The following CHSY3 variants were observed in gnomAD, a reference collection of about 807,000 sequenced individuals.
The protein encoded by CHSY3 is chondroitin sulfate synthase 3.
A neutral mutation model predicts 67.2 loss-of-function variants in CHSY3; 35 were observed. The observed-to-expected ratio is 0.52, with a 90% CI of 0.40 to 0.69. CHSY3 has a LOEUF of 0.69. Among genes scored for constraint, CHSY3 ranks in the 30% least tolerant of loss-of-function variants. The pLI is 0.00. For missense variants in CHSY3, 1,069 were observed against 1,138.5 expected (o/e 0.94, Z 0.88); for synonymous variants, 474 against 434.7 (o/e 1.09, Z -1.12).
chr5:130,160,675 G>A (rs1216922399), intron 2 of CHSY3, among the ~76,000 whole-genome samples: 1 of 152,096 alleles, frequency 6.6e-6, no homozygotes, highest in Non-Finnish European at 1.5e-5. Flanking sequence ...TTAGCCAGAA[G>A]GGACCTATGC....
chr5:130,030,387 A>C (rs983368196), intron 2 of CHSY3, among the ~76,000 whole-genome samples: 1 of 152,122 alleles, frequency 6.6e-6, no homozygotes, highest in African/African-American at 2.4e-5. Context: ...AATTTAAAAA[A>C]CTGTATATGC....
chr5:130,093,621 T>C (rs2149694323), intron 2 of CHSY3, among the ~76,000 whole-genome samples: 1 of 152,266 alleles, frequency 6.6e-6, no homozygotes, highest in African/African-American at 2.4e-5. Context: ...TTATTTTGCA[T>C]TGAAAGAAAC....
intron 2 of CHSY3, among the ~76,000 whole-genome samples, chr5:129,991,487 G>A (rs1763365359): frequency 6.6e-6 from 1 of 152,220 alleles, no homozygotes; most frequent in Non-Finnish European, 1.5e-5. Context: ...TTATAAAGCA[G>A]TGATAGTGCT....
At chr5:130,050,006 CT>C (rs1765285257) in intron 2 of CHSY3, among the ~76,000 whole-genome samples, 1 of 152,036 alleles carries the variant, frequency 6.6e-6, no homozygotes, top group Non-Finnish European at 1.5e-5. Flanking sequence ...TTTTTCAACA[CT>C]TTAAAGACAC....
intron 2 of CHSY3, among the ~76,000 whole-genome samples, chr5:129,914,263 A>G: frequency 6.6e-6 from 1 of 152,116 alleles, no homozygotes. Flanking sequence ...GACATGCACC[A>G]CCACACCCAG....
intron 2 of CHSY3, among the ~76,000 whole-genome samples, chr5:130,016,223 T>G (rs968377235): frequency 9.2e-5 from 14 of 152,068 alleles, no homozygotes; most frequent in Non-Finnish European, 1.8e-4. Context: ...GTATAAAATT[T>G]GGAAGAAACA....
At chr5:130,119,996 C>G (rs1227246719) in intron 2 of CHSY3, among the ~76,000 whole-genome samples, 1 of 152,118 alleles carries the variant, frequency 6.6e-6, no homozygotes, top group Non-Finnish European at 1.5e-5. Flanking sequence ...CTTTTTAATT[C>G]CACATTCACT....
chr5:129,913,342 G>T (rs1275244591), intron 2 of CHSY3, among the ~76,000 whole-genome samples: 1 of 152,152 alleles, frequency 6.6e-6, no homozygotes, highest in Non-Finnish European at 1.5e-5. Flanking sequence ...TGTAGAAAAT[G>T]AAGTGATTTT....
intron 2 of CHSY3, among the ~76,000 whole-genome samples, chr5:130,031,340 T>C (rs909419698): frequency 1.3e-5 from 2 of 152,106 alleles, no homozygotes; most frequent in African/African-American, 4.8e-5. Context: ...TCTCATACTT[T>C]AATGGATTTT....
At chr5:130,098,305 A>T (rs912983945) in intron 2 of CHSY3, among the ~76,000 whole-genome samples, 2 of 152,180 alleles carry the variant, frequency 1.3e-5, no homozygotes, top group Non-Finnish European at 2.9e-5. Context: ...TCTGCTTATC[A>T]GAGAGGAACA....
intron 2 of CHSY3, among the ~76,000 whole-genome samples, chr5:129,927,865 T>C (rs558427040): frequency 1.3e-5 from 2 of 152,116 alleles, no homozygotes; most frequent in South Asian, 4.1e-4. Context: ...CATATTAGTG[T>C]TAAATTCCAG....
At position 129,923,416 on chromosome 5, in the gene CHSY3, A is replaced by G. The variant is rs568979900; in HGVS notation, c.1086+15056A>G. On this transcript the variant is annotated intron_variant, in intron 2 of 2. Coordinates refer to ENST00000305031, the MANE Select transcript of CHSY3 (RefSeq NM_175856.5). ...GTTTCATTCATTATTCATTTACTCA[A>G]CAAATACTTATCGAGCATCTAATAT... Among the ~76,000 whole-genome samples the G allele has an allele frequency of 1.7e-4, 26 of 152,312 alleles. 1 individual carries two copies. The highest frequency in any genetic ancestry group is 1.0e-3 in the Admixed American group (16 of 15,292).
intron 2 of CHSY3, among the ~76,000 whole-genome samples, chr5:129,938,572 C>G (rs1405161822): frequency 2.0e-5 from 3 of 152,184 alleles, no homozygotes; most frequent in African/African-American, 2.4e-5. Context: ...ACATCGTGAA[C>G]ACTCTGCTGT....
chr5:130,032,587 C>G (rs552258875), intron 2 of CHSY3, among the ~76,000 whole-genome samples: 1 of 152,168 alleles, frequency 6.6e-6, no homozygotes, highest in East Asian at 1.9e-4. Flanking sequence ...TATGCCTCCC[C>G]CATCTCACCT....
At chr5:129,915,531 A>C (rs1331486975) in intron 2 of CHSY3, among the ~76,000 whole-genome samples, 1 of 152,194 alleles carries the variant, frequency 6.6e-6, no homozygotes, top group Non-Finnish European at 1.5e-5. Context: ...TGCATTTATT[A>C]ATTTTTTGAG....
chr5:130,042,408 T>C (rs1212958677), intron 2 of CHSY3, among the ~76,000 whole-genome samples: 2 of 152,170 alleles, frequency 1.3e-5, no homozygotes, highest in Admixed American at 6.6e-5. Flanking sequence ...ATTCATACAT[T>C]CTAATTTTGA....
intron 2 of CHSY3, among the ~76,000 whole-genome samples, chr5:130,022,979 A>G (rs1172532374): frequency 6.6e-6 from 1 of 152,050 alleles, no homozygotes; most frequent in Admixed American, 6.6e-5. Flanking sequence ...GTAAAGTTAA[A>G]TAATGATGGA....
chr5:130,028,740 T>C (rs983422551), intron 2 of CHSY3, among the ~76,000 whole-genome samples: 3 of 152,102 alleles, frequency 2.0e-5, no homozygotes, highest in Admixed American at 1.3e-4. Context: ...ATTCTCTCTC[T>C]TATTACTTTT....
chr5:130,100,351 T>A (rs908797299), intron 2 of CHSY3, among the ~76,000 whole-genome samples: 32 of 27,898 alleles, frequency 1.1e-3, no homozygotes, highest in Non-Finnish European at 1.3e-3. Context: ...TGCTTGGCTA[T>A]TTTTTTTTTT....
Sources: gnomAD v4.1 joint callset for allele counts (sites outside exome capture counted in the v4.1 genomes callset) on GRCh38, gnomAD v4.1.1 for gene constraint, MANE v1.5 for transcripts, NCBI Gene and HGNC (gene_info 2026-07-23, HGNC 2026-07-21) for gene names.